SORBS2: variants seen among roughly 807,000 people sequenced by gnomAD.
The protein encoded by SORBS2 is sorbin and SH3 domain-containing protein 2.
In SORBS2, 46 loss-of-function variants were observed where a neutral mutation model predicts 97.7. That is an observed-to-expected ratio of 0.47 (90% CI 0.37 to 0.60). The LOEUF (loss-of-function observed/expected upper bound fraction) is 0.60. Ranked by LOEUF, SORBS2 falls within the 20% of genes least tolerant of loss-of-function variation. The pLI is 0.00. For missense variants in SORBS2, 1,316 were observed against 1,282.3 expected, an observed-to-expected ratio of 1.03 and a Z score of -0.40; for synonymous variants, 476 against 473.4, an observed-to-expected ratio of 1.01 and a Z score of -0.07.
At chr4:185,759,615 G>GTT (rs35221294) in intron 2 of SORBS2, among the ~76,000 whole-genome samples, 41 of 149,998 alleles carry the variant, frequency 2.7e-4, no homozygotes, top group African/African-American at 9.8e-4. Context: ...AATTGAAAGG[G>GTT]TTTTTTTTTT....
rs892330848 is a variant in SORBS2, at chr4:185,877,884, A to G, written c.-338+78312T>C. Among the ~76,000 whole-genome samples the G allele has an allele frequency of 1.3e-4, 17 of 134,094 alleles. 1 individual carries two copies. Among genetic ancestry groups the G allele is most frequent in the Admixed American group, 1.1e-3 (15 of 14,260 alleles). 88.0% of individuals were successfully genotyped at this position (134,094 alleles called of 152,430 possible). On this transcript the variant is annotated intron_variant, in intron 1 of 20. Coordinates refer to the SORBS2 transcript ENST00000284776. ...GACTCTGTCAAAAAACAAAAAAAAA[A>G]AAGAAAGAAAGAAGAAAGAAAAGAA...
At chr4:185,831,745 T>C (rs1303755404) in intron 1 of SORBS2, among the ~76,000 whole-genome samples, 1 of 152,218 alleles carries the variant, frequency 6.6e-6, no homozygotes, top group Non-Finnish European at 1.5e-5. Context: ...ACAGTTCTCT[T>C]GACTCCTAAA....
chr4:185,611,565 G>T (rs1318138546), intron 12 of SORBS2, among the ~76,000 whole-genome samples: 1 of 152,100 alleles, frequency 6.6e-6, no homozygotes, highest in Non-Finnish European at 1.5e-5. Context: ...AAAATGAAAT[G>T]AGCAAAATTA....
rs2098075692 is a variant in SORBS2, at chr4:185,690,628, G to A, written c.-197-11806C>T. 5.1e-6 allele frequency: 6 copies of A among 1,186,138 alleles called. No homozygotes were observed. Among genetic ancestry groups the A allele is most frequent in the Non-Finnish European group, 7.2e-6 (6 of 839,068 alleles). The allele number at this position is 1,186,138 out of a possible 1,614,324, so 73.5% of individuals were successfully genotyped here. A position where few individuals can be genotyped will look rare whatever the true frequency, so the allele number is the denominator to read the frequency against. ...TCAGTTTTCCTGTAGGAAAAAAATG[G>A]TGCATAATTGTTCACTAGCATGTGG... On this transcript the variant is annotated intron_variant, in intron 2 of 20. Transcript: ENST00000284776.
intron 1 of SORBS2, among the ~76,000 whole-genome samples, chr4:185,846,079 C>T (rs903618903): frequency 2.0e-5 from 3 of 152,170 alleles, no homozygotes; most frequent in African/African-American, 7.2e-5. Context: ...AACATATGTT[C>T]ATACAAAAAC....
At chr4:185,675,674 C>T (rs2097780310) in intron 4 of SORBS2, among the ~76,000 whole-genome samples, 1 of 152,150 alleles carries the variant, frequency 6.6e-6, no homozygotes, top group Non-Finnish European at 1.5e-5. Context: ...CATAAACAAG[C>T]TGCAACAGTG....
chr4:185,908,304 T>TACACAC (rs2099252576), intron 1 of SORBS2, among the ~76,000 whole-genome samples: 2 of 95,506 alleles, frequency 2.1e-5, no homozygotes, highest in African/African-American at 7.9e-5. Context: ...TATATATATA[T>TACACAC]ATATATATAT....
chr4:185,723,661 T>C (rs1027546043), intron 2 of SORBS2, among the ~76,000 whole-genome samples: 1 of 152,210 alleles, frequency 6.6e-6, no homozygotes, highest in African/African-American at 2.4e-5. Context: ...GTGTGTCTTA[T>C]CCATGCTTGG....
chr4:185,664,717 T>C (rs190931798), intron 4 of SORBS2, among the ~76,000 whole-genome samples: 2 of 152,340 alleles, frequency 1.3e-5, no homozygotes, highest in Non-Finnish European at 2.9e-5. Flanking sequence ...TTTATGTAAA[T>C]TGTAGTGTCT....
chr4:185,710,352 T>C (rs539051410), intron 2 of SORBS2, among the ~76,000 whole-genome samples: 6 of 152,206 alleles, frequency 3.9e-5, no homozygotes, highest in Admixed American at 6.5e-5. Context: ...AATAACAGCA[T>C]GCTAGTGGCC....
chr4:185,705,569 TA>T (rs897518754), intron 2 of SORBS2, among the ~76,000 whole-genome samples: 233 of 151,480 alleles, frequency 1.5e-3, no homozygotes, highest in African/African-American at 3.6e-3. Flanking sequence ...AAATCAAAAA[TA>T]AAAAAAAATT....
At chr4:185,948,850 T>C (rs1482226697) in intron 1 of SORBS2, among the ~76,000 whole-genome samples, 12 of 152,180 alleles carry the variant, frequency 7.9e-5, no homozygotes, top group African/African-American at 2.9e-4. Context: ...GTTATTTTTT[T>C]CTTTTGTACT....
chr4:185,676,323 A>C (rs1358992370), intron 4 of SORBS2, among the ~76,000 whole-genome samples: 1 of 152,228 alleles, frequency 6.6e-6, no homozygotes, highest in African/African-American at 2.4e-5. Context: ...TTAGCACTAC[A>C]TTGTTCTATG....
chr4:185,720,013 G>A (rs550520278), intron 2 of SORBS2, among the ~76,000 whole-genome samples: 1 of 152,336 alleles, frequency 6.6e-6, no homozygotes, highest in East Asian at 1.9e-4. Context: ...TGGCCTTAAA[G>A]GCAAGAGGTG....
intron 1 of SORBS2, among the ~76,000 whole-genome samples, chr4:185,827,123 CCAT>C (rs148955951): frequency 0.035 from 2,856 of 81,848 alleles, 45 homozygotes; most frequent in Admixed American, 0.075. Flanking sequence ...ATCATCATCA[CCAT>C]CATCATCATC....
At chr4:185,619,967 G>A in intron 8 of SORBS2, 96 bp downstream of exon 20, 1 of 795,888 alleles carries the variant, frequency 1.3e-6, no homozygotes, top group East Asian at 2.5e-5. Context: ...CACATTTCCT[G>A]TCCGAGTTCG....
At position 185,606,714 on chromosome 4, in the gene SORBS2, G is replaced by T. The variant is rs1452649256; in HGVS notation, c.2796+5066C>A. The T allele has an allele frequency of 1.0e-6, 1 of 985,130 alleles. No individual in the cohort carries two copies. Among genetic ancestry groups the T allele is most frequent in the African/African-American group, 1.7e-5 (1 of 57,156 alleles). The allele number at this position is 985,130 out of a possible 1,614,324, so 61.0% of individuals were successfully genotyped here. On this transcript the variant is annotated intron_variant, in intron 12 of 14. Coordinates refer to ENST00000418609, the Ensembl canonical transcript of SORBS2. The surrounding 1 kb of genome is among the most constrained non-coding windows in gnomAD (Gnocchi z 4.3). ...CCTCTTCAATGTGCAGGTGTGGGGTGCCCTCTGACCCATCGTGGCCACACC... is the reference window on the plus strand; with the variant it reads ...CCTCTTCAATGTGCAGGTGTGGGGTTCCCTCTGACCCATCGTGGCCACACC...
chr4:185,676,951 A>G (rs2097795571), intron 4 of SORBS2: 3 of 1,491,642 alleles, frequency 2.0e-6, no homozygotes, highest in African/African-American at 2.8e-5. Flanking sequence ...TAGGGTCTCT[A>G]CGATACGCAT....
chr4:185,593,373 G>A (rs1310180372), intron 13 of SORBS2: 2 of 152,538 alleles, frequency 1.3e-5, no homozygotes, highest in Admixed American at 6.5e-5. Context: ...GCATTTTCCT[G>A]GTGCTGTGGA....
Sources: allele counts gnomAD v4.1 joint callset (sites outside exome capture counted in the v4.1 genomes callset), GRCh38; gene constraint gnomAD v4.1.1; non-coding constraint Gnocchi (gnomAD v3.1); transcripts MANE v1.5; gene names NCBI Gene and HGNC (gene_info 2026-07-23, HGNC 2026-07-21).